The following MND1 variants were observed in gnomAD, a reference collection of about 807,000 sequenced individuals.
MND1 encodes meiotic nuclear division protein 1 homolog.
A neutral mutation model predicts 35.1 loss-of-function variants in MND1; 28 were observed. That is an observed-to-expected ratio of 0.80 (90% CI 0.59 to 1.09). The LOEUF (loss-of-function observed/expected upper bound fraction) is 1.09. Among genes scored for constraint, MND1 ranks in the 50% least tolerant of loss-of-function variants. The pLI is 0.00. For missense variants in MND1, 213 were observed against 239.6 expected, an observed-to-expected ratio of 0.89 and a Z score of 0.73; for synonymous variants, 69 against 70.5, an observed-to-expected ratio of 0.98 and a Z score of 0.11.
intron 6 of MND1, among the ~76,000 whole-genome samples, chr4:153,402,356 G>A (rs960514467): frequency 2.6e-5 from 4 of 152,130 alleles, no homozygotes; most frequent in Admixed American, 1.3e-4. Context: ...ATAAATGCCA[G>A]GATGACAGTA....
chr4:153,412,897 C>T (rs558005720), intron 7 of MND1, among the ~76,000 whole-genome samples: 7 of 151,192 alleles, frequency 4.6e-5, no homozygotes, highest in Non-Finnish European at 8.8e-5. Context: ...CTCTGCCTCC[C>T]GGGTTCAAGC....
At chr4:153,404,726 G>T (rs1356837675) in intron 6 of MND1, among the ~76,000 whole-genome samples, 1 of 151,934 alleles carries the variant, frequency 6.6e-6, no homozygotes. Flanking sequence ...TGATCTGCCC[G>T]CCTCGGCCTC....
intron 4 of MND1, among the ~76,000 whole-genome samples, chr4:153,386,904 G>A (rs999463411): frequency 6.6e-6 from 1 of 151,996 alleles, no homozygotes; most frequent in African/African-American, 2.4e-5. Context: ...ATGCACACTG[G>A]GCTTTACAGG....
At chr4:153,379,405 G>A (rs1310338912) in intron 4 of MND1, among the ~76,000 whole-genome samples, 1 of 151,696 alleles carries the variant, frequency 6.6e-6, no homozygotes, top group Non-Finnish European at 1.5e-5. Context: ...AGTCTGAACT[G>A]GACAGAGCCA....
chr4:153,406,694 TA>T (rs1303254174), intron 6 of MND1, among the ~76,000 whole-genome samples: 1 of 151,958 alleles, frequency 6.6e-6, no homozygotes, highest in Non-Finnish European at 1.5e-5. Flanking sequence ...CCCAAGAAGA[TA>T]CACAGATGGC....
chr4:153,405,013 G>T (rs2149658132), intron 6 of MND1, among the ~76,000 whole-genome samples: 1 of 152,176 alleles, frequency 6.6e-6, no homozygotes, highest in East Asian at 1.9e-4. Context: ...AGGAATCCAG[G>T]TGTGAGCTAT....
In MND1 at chr4:153,411,590, A is replaced by G. The variant is rs143666531; in HGVS notation, c.511+2575A>G. Among the ~76,000 whole-genome samples, 42 of 152,256 alleles carry G rather than the reference A, an allele frequency of 2.8e-4. 1 individual carries two copies. The highest frequency in any genetic ancestry group is 5.7e-4 in the Non-Finnish European group (39 of 68,016). ...GTTCTTTTTCTTGCTTTTAACCTTT[A>G]AATGTTTATAATGAAATGGTTTCTT... On this transcript the variant is annotated intron_variant, in intron 7 of 7. Transcript: ENST00000240488.
chr4:153,398,180 A>G (rs995289221), intron 6 of MND1, among the ~76,000 whole-genome samples: 5 of 152,196 alleles, frequency 3.3e-5, no homozygotes, highest in Admixed American at 1.3e-4. Flanking sequence ...AAAGATAGAA[A>G]TGTGAATATT....
At chr4:153,369,254 T>A (rs1002766218) in intron 4 of MND1, among the ~76,000 whole-genome samples, 3 of 152,054 alleles carry the variant, frequency 2.0e-5, no homozygotes, top group African/African-American at 4.8e-5. Context: ...TGTGTGAGAG[T>A]CCAAGACAGA....
At chr4:153,397,628 C>T (rs1729234083) in intron 6 of MND1, among the ~76,000 whole-genome samples, 1 of 151,192 alleles carries the variant, frequency 6.6e-6, no homozygotes, top group Admixed American at 6.6e-5. Context: ...ACCAGCCTGG[C>T]CAACATGGTG....
chr4:153,411,701 T>A (rs1303227017), intron 7 of MND1, among the ~76,000 whole-genome samples: 1 of 152,208 alleles, frequency 6.6e-6, no homozygotes, highest in African/African-American at 2.4e-5. Context: ...TGATCCAGGT[T>A]TGAAGTTTGT....
At chr4:153,373,997 G>A (rs1381904116) in intron 4 of MND1, among the ~76,000 whole-genome samples, 1 of 152,164 alleles carries the variant, frequency 6.6e-6, no homozygotes, top group Non-Finnish European at 1.5e-5. Flanking sequence ...TAGTTAGAAA[G>A]CAGACATGGA....
chr4:153,368,756 G>A (rs1773719346), intron 4 of MND1, among the ~76,000 whole-genome samples: 1 of 152,062 alleles, frequency 6.6e-6, no homozygotes, highest in South Asian at 2.1e-4. Flanking sequence ...GTTAAATATT[G>A]TTATTTGTGG....
chr4:153,366,845 A>G (rs758411017), intron 4 of MND1, among the ~76,000 whole-genome samples: 3 of 152,168 alleles, frequency 2.0e-5, no homozygotes, highest in Non-Finnish European at 4.4e-5. Flanking sequence ...GGTTAGTATT[A>G]TATTTGTTTT....
At chr4:153,361,810 G>A (rs1370445158) in intron 4 of MND1, among the ~76,000 whole-genome samples, 1 of 151,594 alleles carries the variant, frequency 6.6e-6, no homozygotes, top group Non-Finnish European at 1.5e-5. Flanking sequence ...TGCACTCCAG[G>A]CTGGGCAACA....
Position 153,362,696 on chromosome 4 carries a change from G to T in MND1, c.276+4074G>T, listed in dbSNP as rs1773525622. Among the ~76,000 whole-genome samples, 7 of 152,044 alleles carry T rather than the reference G, an allele frequency of 4.6e-5. No homozygotes were observed. In the South Asian group the frequency reaches 8.3e-4, roughly 18 times the overall value. ...ATTAATTTGATCTGTGTATCTGCTG[G>T]CTACTACCATTTGTAGTATTTTTTT... On this transcript the variant is annotated intron_variant, in intron 4 of 7. Coordinates refer to ENST00000240488, the MANE Select transcript of MND1 (RefSeq NM_032117.4).
chr4:153,378,912 A>G (rs1349207639), intron 4 of MND1, among the ~76,000 whole-genome samples: 2 of 152,212 alleles, frequency 1.3e-5, no homozygotes, highest in Non-Finnish European at 2.9e-5. Flanking sequence ...GTGTCTATAG[A>G]TTAAACATCT....
At chr4:153,350,939 G>A (rs1355463324) in intron 2 of MND1, among the ~76,000 whole-genome samples, 3 of 137,160 alleles carry the variant, frequency 2.2e-5, no homozygotes, top group African/African-American at 8.6e-5. Context: ...TCACTTTAAG[G>A]CAGATTCTTA....
At chr4:153,384,443 A>ATTTTTTTTTTTTTTTTTTTTT (rs561004288) in intron 4 of MND1, among the ~76,000 whole-genome samples, 5 of 63,188 alleles carry the variant, frequency 7.9e-5, no homozygotes, top group African/African-American at 1.2e-4. Context: ...CTAATGTTTA[A>ATTTTTTTTTTTTTTTTTTTTT]TTTTTTTTTT....
Sources: gnomAD v4.1 joint callset for allele counts (sites outside exome capture counted in the v4.1 genomes callset) on GRCh38, gnomAD v4.1.1 for gene constraint, MANE v1.5 for transcripts, NCBI Gene and HGNC (gene_info 2026-07-23, HGNC 2026-07-21) for gene names.